AGBL1: variants seen among roughly 807,000 people sequenced by gnomAD.
The protein encoded by AGBL1 is cytosolic carboxypeptidase 4.
In AGBL1, 130 loss-of-function variants were observed where a neutral mutation model predicts 118.9. The ratio of observed to expected loss-of-function variants is 1.09; its 90% CI spans 0.95 to 1.26. The LOEUF (loss-of-function observed/expected upper bound fraction) is 1.26. Among genes scored for constraint, AGBL1 ranks in the 50% most tolerant of loss-of-function variants. The pLI, the probability that AGBL1 is intolerant of heterozygous loss-of-function variation, is 0.00. For synonymous variants in AGBL1, 555 were observed against 478.9 expected (o/e 1.16, Z -2.08); for missense variants, 1,584 against 1,298.1 (o/e 1.22, Z -3.38).
intron 22 of AGBL1, among the ~76,000 whole-genome samples, chr15:86,874,381 G>GATAC (rs2079774554): frequency 6.7e-6 from 1 of 148,924 alleles, no homozygotes; most frequent in African/African-American, 2.5e-5. Flanking sequence ...TTGTGGGTGG[G>GATAC]ACACACACAC....
chr15:86,132,060 A>T (rs2076827155), intron 1 of AGBL1, among the ~76,000 whole-genome samples: 1 of 152,152 alleles, frequency 6.6e-6, no homozygotes, highest in Admixed American at 6.5e-5. Flanking sequence ...AGCGCTTCAG[A>T]TTGGGGTAGG....
rs118150659 is a variant in AGBL1, at chr15:86,298,022, G to T, written c.2374+2614G>T. On this transcript the variant is annotated intron_variant, in intron 17 of 22. Transcript: ENST00000614907. ...GTATTACTCTCTTCTTGCTCACAAC[G>T]AATTTTATTTTCCTTTCCTAACCCA... Among the ~76,000 whole-genome samples the T allele has an allele frequency of 8.3e-3, 1,253 of 151,788 alleles. 9 individuals are homozygous for T. The highest frequency in any genetic ancestry group is 0.014 in the Middle Eastern group (4 of 294).
At chr15:86,193,454 T>G (rs2077753788) in intron 5 of AGBL1, among the ~76,000 whole-genome samples, 1 of 152,158 alleles carries the variant, frequency 6.6e-6, no homozygotes, top group Non-Finnish European at 1.5e-5. Context: ...AAACTGAAGG[T>G]GTCACTCTGG....
intron 5 of AGBL1, among the ~76,000 whole-genome samples, chr15:86,216,089 T>A (rs1380481724): frequency 6.6e-6 from 1 of 152,232 alleles, no homozygotes; most frequent in East Asian, 1.9e-4. Context: ...GACGTTTGTA[T>A]GTTAATCTGT....
intron 15 of AGBL1, among the ~76,000 whole-genome samples, chr15:86,278,065 C>T (rs2079286331): frequency 6.6e-6 from 1 of 152,216 alleles, no homozygotes; most frequent in Non-Finnish European, 1.5e-5. Context: ...AACTTGCATG[C>T]TTTCCGAGCT....
At chr15:86,589,825 TCATCTGAGAGTAGTTTGGAGACATC>T (rs1487348830) in intron 21 of AGBL1, among the ~76,000 whole-genome samples, 27 of 152,324 alleles carry the variant, frequency 1.8e-4, no homozygotes, top group African/African-American at 6.5e-4. Flanking sequence ...TTTTTTGTAA[TCATCTGAGAGTAGTTTGGAGACATC>T]ATGTCCTTTT....
intron 21 of AGBL1, among the ~76,000 whole-genome samples, chr15:86,558,686 T>C (rs1486619864): frequency 6.6e-6 from 1 of 152,216 alleles, no homozygotes; most frequent in African/African-American, 2.4e-5. Flanking sequence ...TTAGTGGGGA[T>C]GAGTTTCATA....
intron 24 of AGBL1, among the ~76,000 whole-genome samples, chr15:87,018,804 C>G (rs1291396192): frequency 6.6e-6 from 1 of 151,924 alleles, no homozygotes; most frequent in East Asian, 1.9e-4. Context: ...GGCAAAATGC[C>G]CCAATGAAAA....
At chr15:86,535,520 T>C (rs2083413477) in intron 19 of AGBL1, among the ~76,000 whole-genome samples, 1 of 152,226 alleles carries the variant, frequency 6.6e-6, no homozygotes, top group African/African-American at 2.4e-5. Flanking sequence ...TCGATTCCTA[T>C]CCTCTTGGCT....
At chr15:86,958,913 A>G (rs2080960895) in intron 23 of AGBL1, among the ~76,000 whole-genome samples, 1 of 152,176 alleles carries the variant, frequency 6.6e-6, no homozygotes, top group African/African-American at 2.4e-5. Flanking sequence ...TAATACCACA[A>G]GAAGGAAGCA....
intron 22 of AGBL1, among the ~76,000 whole-genome samples, chr15:86,788,729 A>G (rs1011034384): frequency 1.3e-5 from 2 of 152,226 alleles, no homozygotes; most frequent in African/African-American, 4.8e-5. Context: ...TATAAGGATA[A>G]TGTCATGAAA....
At chr15:86,118,516 T>C (rs1003627859) in intron 1 of AGBL1, among the ~76,000 whole-genome samples, 4 of 152,038 alleles carry the variant, frequency 2.6e-5, no homozygotes, top group African/African-American at 9.7e-5. Context: ...TAAATTTCCT[T>C]TATTTGGTTG....
Position 86,080,018 on chromosome 15 carries a change from C to T in AGBL1, c.46C>T (p.Leu16Phe), listed in dbSNP as rs865884428. The T allele has an allele frequency of 5.7e-6, 7 of 1,232,072 alleles. 1 individual carries two copies. The South Asian group carries it at 2.1e-4, about 36-fold the overall frequency. 76.3% of individuals were successfully genotyped at this position (1,232,072 alleles called of 1,614,324 possible). ...TGGGCTACAGGTCCTGCTGCACACG[C>T]TTCAGGTAGGAAAGGGTAGAGTGGG... ...ASGLQVLLHT[L>F]QSSSDKESIL... The change falls in exon 1 of 23, where the codon CTT (leucine) becomes TTT (phenylalanine). Residue 16 changes from leucine to phenylalanine, a missense_variant. Coordinates refer to ENST00000614907, the MANE Select transcript of AGBL1 (RefSeq NM_001386094.1).
At chr15:86,431,782 A>G in intron 18 of AGBL1, among the ~76,000 whole-genome samples, 1 of 152,104 alleles carries the variant, frequency 6.6e-6, no homozygotes, top group East Asian at 1.9e-4. Context: ...TTATGATGTT[A>G]TCCCCTCTTT....
chr15:86,097,736 G>A (rs1273032717), intron 1 of AGBL1, among the ~76,000 whole-genome samples: 1 of 152,012 alleles, frequency 6.6e-6, no homozygotes, highest in African/African-American at 2.4e-5. Context: ...TTCCCTGATG[G>A]ACATTCAAGT....
chr15:86,547,029 A>G (rs2083593032), intron 20 of AGBL1, among the ~76,000 whole-genome samples: 2 of 152,190 alleles, frequency 1.3e-5, no homozygotes, highest in Admixed American at 1.3e-4. Context: ...ACCTGGAAAT[A>G]CATCCCCTCT....
chr15:86,429,057 T>C (rs570207279), intron 18 of AGBL1, among the ~76,000 whole-genome samples: 2 of 152,152 alleles, frequency 1.3e-5, no homozygotes, highest in Non-Finnish European at 1.5e-5. Context: ...CAGAAACACA[T>C]AGACAATATC....
intron 2 of AGBL1, 78 bp from the exon 3 acceptor site, chr15:86,143,621 G>C (rs997458763): frequency 1.3e-6 from 2 of 1,529,044 alleles, no homozygotes; most frequent in African/African-American, 2.7e-5. Flanking sequence ...TCTGTCTCTA[G>C]TTGGGAGGTC....
At chr15:86,102,243 A>T (rs183395331) in intron 1 of AGBL1, among the ~76,000 whole-genome samples, 39 of 152,074 alleles carry the variant, frequency 2.6e-4, no homozygotes, top group African/African-American at 9.2e-4. Flanking sequence ...GTTTTGCCAC[A>T]TTGGCCAGGC....
Sources: gnomAD v4.1 joint callset for allele counts (sites outside exome capture counted in the v4.1 genomes callset) on GRCh38, gnomAD v4.1.1 for gene constraint, MANE v1.5 for transcripts, NCBI Gene and HGNC (gene_info 2026-07-23, HGNC 2026-07-21) for gene names.